VPS50: variants seen among roughly 807,000 people sequenced by gnomAD.
The protein encoded by VPS50 is VPS50 subunit of EARP/GARPII complex, also known as syndetin.
A neutral mutation model predicts 139.7 loss-of-function variants in VPS50; 70 were observed. The ratio of observed to expected loss-of-function variants is 0.50; its 90% CI spans 0.41 to 0.61. The LOEUF (loss-of-function observed/expected upper bound fraction) is 0.61. Among genes scored for constraint, VPS50 ranks in the 20% least tolerant of loss-of-function variants. The pLI is 0.00. For missense variants in VPS50, 921 were observed against 1,133.7 expected (o/e 0.81, Z 2.69); for synonymous variants, 365 against 376.7 (o/e 0.97, Z 0.36).
intron 17 of VPS50, among the ~76,000 whole-genome samples, chr7:93,305,249 A>G (rs1023153610): frequency 6.6e-6 from 1 of 151,880 alleles, no homozygotes; most frequent in African/African-American, 2.4e-5. Context: ...TGGGTCTTAC[A>G]ACTCTTTAGC....
At chr7:93,308,625 TTTTC>T (rs1179355835) in intron 18 of VPS50, among the ~76,000 whole-genome samples, 195 bp from the exon 19 acceptor site, 2 of 151,960 alleles carry the variant, frequency 1.3e-5, no homozygotes, top group African/African-American at 4.8e-5. Flanking sequence ...GGTGTAATAT[TTTTC>T]TTTTGTGCTG....
rs540788376 is a variant in VPS50, at chr7:93,313,153, C to G, written c.1855+1881C>G. Among the ~76,000 whole-genome samples, 5 of 152,272 alleles carry G rather than the reference C, an allele frequency of 3.3e-5. No homozygotes were observed. The East Asian group carries it at 9.7e-4, about 29-fold the overall frequency. On this transcript the variant is annotated intron_variant, in intron 20 of 27. Transcript: ENST00000305866. ...GCAAAAGCAAACTATGTTATGACTCCTGAAGCTTCTGCTTCCATGTGTCAC... is the reference window on the plus strand; with the variant it reads ...GCAAAAGCAAACTATGTTATGACTCGTGAAGCTTCTGCTTCCATGTGTCAC...
chr7:93,302,799 G>C (rs1382032052), intron 16 of VPS50, among the ~76,000 whole-genome samples: 1 of 151,892 alleles, frequency 6.6e-6, no homozygotes, highest in Admixed American at 6.6e-5. Flanking sequence ...TGAAAATAAG[G>C]GTTTGTTTTT....
chr7:93,295,419 T>G (rs1796780536), intron 14 of VPS50: 1 of 152,204 alleles, frequency 6.6e-6, no homozygotes, highest in Non-Finnish European at 1.5e-5. Context: ...TCTAATATAT[T>G]ATCACCTTGG....
intron 27 of VPS50, among the ~76,000 whole-genome samples, chr7:93,356,496 A>G (rs1798710529): frequency 6.6e-6 from 1 of 152,166 alleles, no homozygotes; most frequent in Non-Finnish European, 1.5e-5. Flanking sequence ...GTACTCCTCA[A>G]CGATGAAATG....
At chr7:93,296,954 A>G in intron 15 of VPS50, 118 bp downstream of exon 15, 1 of 1,432,756 alleles carries the variant, frequency 7.0e-7, no homozygotes, top group Non-Finnish European at 9.1e-7. Flanking sequence ...TTTTGCTGCT[A>G]AGTTTGTGAG....
At chr7:93,291,269 A>G (rs115441285) in intron 12 of VPS50, among the ~76,000 whole-genome samples, 1,705 of 152,240 alleles carry the variant, frequency 0.011, 45 homozygotes, top group African/African-American at 0.039. Flanking sequence ...AAAGATGTTT[A>G]CTTAATTTAC....
chr7:93,274,843 A>C (rs940458954), intron 11 of VPS50, among the ~76,000 whole-genome samples: 12 of 152,172 alleles, frequency 7.9e-5, no homozygotes, highest in African/African-American at 2.7e-4. Flanking sequence ...GCTGGATCTC[A>C]GGAAAGTCAA....
chr7:93,325,425 G>T (rs1797740386), intron 21 of VPS50, among the ~76,000 whole-genome samples: 2 of 151,884 alleles, frequency 1.3e-5, no homozygotes, highest in African/African-American at 4.8e-5. Context: ...AAAAGCAATG[G>T]CAACAAAAGC....
chr7:93,262,932 A>G (rs1562857491), intron 9 of VPS50, among the ~76,000 whole-genome samples: 4 of 152,342 alleles, frequency 2.6e-5, no homozygotes, highest in African/African-American at 7.2e-5. Flanking sequence ...ATAAGGATAG[A>G]GTTAGTTGAC....
intron 9 of VPS50, among the ~76,000 whole-genome samples, chr7:93,261,028 A>G (rs939039380): frequency 2.0e-5 from 3 of 152,238 alleles, no homozygotes; most frequent in African/African-American, 7.2e-5. Flanking sequence ...ATTAACTGTC[A>G]TTAGTAGAAA....
intron 13 of VPS50, among the ~76,000 whole-genome samples, chr7:93,292,206 C>T (rs1315387532): frequency 1.3e-5 from 2 of 151,674 alleles, no homozygotes; most frequent in Admixed American, 6.6e-5. Context: ...ATCTATTTAG[C>T]CAATTTTCAA....
chr7:93,290,152 T>A (rs1796608260), intron 12 of VPS50, among the ~76,000 whole-genome samples: 1 of 152,078 alleles, frequency 6.6e-6, no homozygotes, highest in South Asian at 2.1e-4. Context: ...TGAATTCTTT[T>A]ATTGTTTGAA....
chr7:93,233,268 G>T (rs1794693360), intron 1 of VPS50, among the ~76,000 whole-genome samples: 1 of 152,150 alleles, frequency 6.6e-6, no homozygotes, highest in South Asian at 2.1e-4. Flanking sequence ...TTATGACTTT[G>T]TTTTAGCTGC....
chr7:93,273,205 C>T (rs923252430), intron 11 of VPS50: 9 of 151,998 alleles, frequency 5.9e-5, no homozygotes, highest in Non-Finnish European at 1.2e-4. Flanking sequence ...TTCAGAGGGT[C>T]CTTTTATCCC....
intron 9 of VPS50, among the ~76,000 whole-genome samples, chr7:93,263,245 G>A (rs899780275): frequency 2.0e-5 from 3 of 152,232 alleles, no homozygotes; most frequent in Non-Finnish European, 4.4e-5. Context: ...GAATTAGAGT[G>A]AATAAGCATT....
At chr7:93,324,003 T>C (rs1797693863) in intron 21 of VPS50, among the ~76,000 whole-genome samples, 1 of 152,202 alleles carries the variant, frequency 6.6e-6, no homozygotes, top group African/African-American at 2.4e-5. Flanking sequence ...CAATGAAAAA[T>C]GTGCAGGTTG....
At chr7:93,328,170 G>A (rs1032391008) in intron 21 of VPS50, among the ~76,000 whole-genome samples, 4 of 151,998 alleles carry the variant, frequency 2.6e-5, no homozygotes, top group African/African-American at 9.7e-5. Context: ...ATCTTGCCTT[G>A]TCCCCAGCTT....
intron 3 of VPS50, among the ~76,000 whole-genome samples, chr7:93,253,420 A>T (rs1189657523): frequency 1.3e-5 from 2 of 152,302 alleles, no homozygotes; most frequent in East Asian, 3.9e-4. Flanking sequence ...AGTAGTACTT[A>T]TGGTTTGTAA....
Sources: allele counts gnomAD v4.1 joint callset (sites outside exome capture counted in the v4.1 genomes callset), GRCh38; gene constraint gnomAD v4.1.1; transcripts MANE v1.5; gene names NCBI Gene and HGNC (gene_info 2026-07-23, HGNC 2026-07-21).